The following CHPT1 variants were observed in gnomAD, a reference collection of about 807,000 sequenced individuals.
CHPT1 encodes choline phosphotransferase 1, also known as cholinephosphotransferase 1.
In CHPT1, 36 loss-of-function variants were observed where a neutral mutation model predicts 47.6. The observed-to-expected ratio is 0.76, with a 90% CI of 0.58 to 1.00. CHPT1 has a LOEUF of 1.00. CHPT1 is among the 50% of genes least tolerant of loss of function. The pLI is 0.00. For missense variants in CHPT1, 458 were observed against 498.1 expected (o/e 0.92, Z 0.77); for synonymous variants, 194 against 186.3 (o/e 1.04, Z -0.33).
At position 101,723,743 on chromosome 12, in the gene CHPT1, G is replaced by C; in HGVS notation, c.961G>C (p.Glu321Gln). 6.3e-7 allele frequency: 1 copy of C among 1,575,612 alleles called. No homozygotes were observed. Among genetic ancestry groups the C allele is most frequent in the Non-Finnish European group, 8.6e-7 (1 of 1,159,640 alleles). Residue 321 changes from glutamate to glutamine, a missense_variant, in exon 7 of 9, where the codon GAA (glutamate) becomes CAA (glutamine). By Grantham distance (29) the Glu-to-Gln change is conservative (BLOSUM62 2). Transcript: ENST00000229266. The stretch of plus-strand genomic sequence containing the variant: ...ATAGGTAGCTCACATGACCAAAAGT[G>C]AACTATATCTTCAAGACACTGTCTT... Reference protein sequence around the residue: ...KLVVAHMTKSELYLQDTVFLG... With the variant: ...KLVVAHMTKSQLYLQDTVFLG...
intron 8 of CHPT1, chr12:101,728,029 C>G (rs988854522): frequency 5.9e-5 from 9 of 152,244 alleles, no homozygotes; most frequent in African/African-American, 1.9e-4. Flanking sequence ...GCGGGCAGAT[C>G]ATTTGAAGTC....
rs1458325683 is a variant in CHPT1 at position 101,708,666 on chromosome 12, GGCTC to G, written c.274-5423_274-5420del. On this transcript the variant is annotated intron_variant, in intron 1 of 8. Transcript: ENST00000229266. ...TCTGTTGCCCCAGCTGGAGTGCAGT[GGCTC>G]ACTTCAACCTCTGCCTCCTGGGTTC... Among the ~76,000 whole-genome samples the G allele has an allele frequency of 6.5e-5, 8 of 123,670 alleles. 2 individuals are homozygous for G. The highest frequency in any genetic ancestry group is 2.5e-4 in the East Asian group (1 of 3,964). 81.1% of individuals were successfully genotyped at this position (123,670 alleles called of 152,430 possible).
At chr12:101,713,978 A>C (rs1951729588) in intron 1 of CHPT1, 112 bp from the exon 2 acceptor site, 5 of 625,146 alleles carry the variant, frequency 8.0e-6, no homozygotes, top group Non-Finnish European at 1.4e-5. Flanking sequence ...TGAGGGTTAG[A>C]AATGTTCTTT....
intron 3 of CHPT1, among the ~76,000 whole-genome samples, chr12:101,715,562 C>T (rs1490467913): frequency 3.3e-5 from 5 of 151,462 alleles, no homozygotes; most frequent in African/African-American, 7.3e-5. Flanking sequence ...ACATTTATCC[C>T]GTAAGGTGGG....
Position 101,729,053 on chromosome 12 carries a change from A to T in CHPT1, c.*108A>T. On this transcript the variant is annotated 3_prime_UTR_variant, in exon 9 of 9. Transcript: ENST00000229266. The stretch of plus-strand genomic sequence containing the variant: ...GTGTTATACCTATTTCAGCAAATAA[A>T]ATATTTCATTGCTTATATTAATCCT... 6.2e-7 allele frequency: 1 copy of T among 1,607,938 alleles called. No individual in the cohort carries two copies. Among genetic ancestry groups the T allele is most frequent in the Admixed American group, 1.7e-5 (1 of 59,880 alleles).
At chr12:101,722,945 T>G (rs983715764) in intron 5 of CHPT1, among the ~76,000 whole-genome samples, 5 of 152,170 alleles carry the variant, frequency 3.3e-5, no homozygotes, top group Non-Finnish European at 4.4e-5. Context: ...TGTGTGAATA[T>G]CAAACTGGAA....
rs146380939 is a variant in CHPT1 at position 101,703,485 on chromosome 12, G to A, written c.273+5351G>A. Among the ~76,000 whole-genome samples the A allele has an allele frequency of 2.2e-3, 328 of 152,256 alleles. 1 individual carries two copies. Among genetic ancestry groups the A allele is most frequent in the Non-Finnish European group, 2.3e-3 (159 of 68,020 alleles). On this transcript the variant is annotated intron_variant, in intron 1 of 8. Coordinates refer to ENST00000229266, the MANE Select transcript of CHPT1 (RefSeq NM_020244.3). ...CGATGTCTGTCTGGTTTCCTTTGCC[G>A]CAGCTTATAACCTGCCTAATTTCCT...
intron 4 of CHPT1, chr12:101,719,672 A>G (rs1471346638): frequency 2.8e-6 from 1 of 353,880 alleles, no homozygotes; most frequent in South Asian, 2.4e-5. Context: ...CAAATGAACT[A>G]TCCTTTTTCA....
At chr12:101,700,323 GA>G (rs5800482) in intron 1 of CHPT1, among the ~76,000 whole-genome samples, 74,285 of 132,408 alleles carry the variant, frequency 0.56, 21,829 homozygotes, top group Non-Finnish European at 0.68. Context: ...AGCCTCATGT[GA>G]AAAAAAAAAA....
chr12:101,723,797 C>T lies in CHPT1; in HGVS notation c.1015C>T (p.Gln339Ter). ...FLGPGLLFLD[Q>*]YFNNFIDEYV... The stretch of plus-strand genomic sequence containing the variant: ...GGGGCCAGGTCTTTTGTTTTTAGAC[C>T]AGTACTTTAATAACTTTATAGACGA... Residue 339 changes from glutamine to a stop codon, truncating the protein, a stop_gained, in exon 7 of 9, where the codon CAG becomes TAG. Transcript: ENST00000229266. LOFTEE classifies it high-confidence loss of function. The T allele has an allele frequency of 1.3e-6, 2 of 1,558,746 alleles. No individual in the cohort carries two copies. Among genetic ancestry groups the T allele is most frequent in the Non-Finnish European group, 1.8e-6 (2 of 1,133,842 alleles).
chr12:101,717,978 T>C (rs1210582829), intron 4 of CHPT1, among the ~76,000 whole-genome samples: 1 of 152,222 alleles, frequency 6.6e-6, no homozygotes, highest in East Asian at 1.9e-4. Context: ...CAAGAAGTTA[T>C]GGAGGAACCT....
In CHPT1 at chr12:101,720,667, C is replaced by A. The variant is rs574803788; in HGVS notation, c.780+413C>A. Among the ~76,000 whole-genome samples, 7 of 152,274 alleles carry A rather than the reference C, an allele frequency of 4.6e-5. No homozygotes were observed. In the South Asian group the frequency reaches 1.0e-3, roughly 23 times the overall value. Reference sequence around the variant, plus strand: ...TCAAGTAAATTTTATTGAAATTTCACTGAAATATATTTAAAAGAACTATTC... The same window carrying A: ...TCAAGTAAATTTTATTGAAATTTCAATGAAATATATTTAAAAGAACTATTC... On this transcript the variant is annotated intron_variant, in intron 5 of 8. Transcript: ENST00000229266.
At chr12:101,699,865 G>A (rs549471620) in intron 1 of CHPT1, among the ~76,000 whole-genome samples, 8 of 152,286 alleles carry the variant, frequency 5.3e-5, no homozygotes, top group African/African-American at 1.4e-4. Flanking sequence ...TGGAGGTCTT[G>A]GTTTCTAACT....
At chr12:101,700,913 GT>G (rs1037987294) in intron 1 of CHPT1, among the ~76,000 whole-genome samples, 1 of 152,112 alleles carries the variant, frequency 6.6e-6, no homozygotes, top group African/African-American at 2.4e-5. Flanking sequence ...AATTCTTAGT[GT>G]TTTTTTCAGA....
chr12:101,715,503 T>G (rs1223610428), intron 3 of CHPT1, among the ~76,000 whole-genome samples: 6 of 152,190 alleles, frequency 3.9e-5, no homozygotes, highest in Non-Finnish European at 2.9e-5. Flanking sequence ...ACTTACATGT[T>G]TCAGGCATTG....
chr12:101,727,390 T>C (rs994427245), intron 8 of CHPT1: 1 of 152,074 alleles, frequency 6.6e-6, no homozygotes, highest in African/African-American at 2.4e-5. Context: ...ACTAGAACTA[T>C]CACAAAGATC....
intron 7 of CHPT1, among the ~76,000 whole-genome samples, chr12:101,725,204 C>T (rs991966928): frequency 9.2e-5 from 14 of 152,006 alleles, no homozygotes; most frequent in African/African-American, 3.1e-4. Context: ...AACTTAATAA[C>T]GTAATATTCA....
chr12:101,716,882 A>C (rs1429499250), intron 4 of CHPT1, 70 bp downstream of exon 4: 3 of 926,764 alleles, frequency 3.2e-6, no homozygotes, highest in African/African-American at 3.4e-5. Context: ...TGCATTGTTA[A>C]TTTTCTTCAA....
At chr12:101,719,579 ACAT>A in intron 4 of CHPT1, 1 of 1,147,918 alleles carries the variant, frequency 8.7e-7, no homozygotes, top group Non-Finnish European at 1.1e-6. Flanking sequence ...GCTTGCATAC[ACAT>A]CATGATATTT....
Sources: gnomAD v4.1 joint callset for allele counts (sites outside exome capture counted in the v4.1 genomes callset) on GRCh38, gnomAD v4.1.1 for gene constraint, MANE v1.5 for transcripts, NCBI Gene and HGNC (gene_info 2026-07-23, HGNC 2026-07-21) for gene names.